Variants in TMLHE observed in about 807,000 individuals in gnomAD.
TMLHE encodes the protein trimethyllysine dioxygenase, mitochondrial.
A neutral mutation model predicts 25.7 loss-of-function variants in TMLHE; 18 were observed. The observed-to-expected ratio is 0.70, with a 90% CI of 0.48 to 1.04. The LOEUF is 1.04. Among genes scored for constraint, TMLHE ranks in the 50% least tolerant of loss-of-function variants. TMLHE has a pLI of 0.00. For missense variants in TMLHE, 236 were observed against 259.0 expected, an observed-to-expected ratio of 0.91 and a Z score of 0.61; for synonymous variants, 105 against 97.0, an observed-to-expected ratio of 1.08 and a Z score of -0.49.
chrX:155,549,079 T>C (rs1415901325), intron 1 of TMLHE, among the ~76,000 whole-genome samples: 3 of 111,571 alleles, frequency 2.7e-5, no homozygotes, highest in African/African-American at 9.9e-5. Context: ...CAACTGACTT[T>C]TATATTCTGA....
intron 1 of TMLHE, among the ~76,000 whole-genome samples, chrX:155,556,830 G>T (rs1290792971): frequency 1.8e-5 from 2 of 111,309 alleles, no homozygotes; most frequent in African/African-American, 6.5e-5. Flanking sequence ...TCGACCATAA[G>T]AGACAGGTAC....
intron 5 of TMLHE, among the ~76,000 whole-genome samples, chrX:155,510,437 C>T (rs2067101472): frequency 1.2e-5 from 1 of 81,996 alleles, no homozygotes; most frequent in South Asian, 7.7e-4. Context: ...GTGTGATGTT[C>T]CCCTTCCTGT....
At chrX:155,541,746 T>C (rs1216259880) in intron 2 of TMLHE, among the ~76,000 whole-genome samples, 1 of 112,024 alleles carries the variant, frequency 8.9e-6, no homozygotes, top group African/African-American at 3.2e-5. Context: ...ATCTAACTGA[T>C]GTGAGATGAT....
At chrX:155,507,728 T>C (rs892018898) in intron 5 of TMLHE, among the ~76,000 whole-genome samples, 8 of 110,666 alleles carry the variant, frequency 7.2e-5, no homozygotes, top group African/African-American at 2.3e-4. Flanking sequence ...CCTATTGGCA[T>C]AGCACAGAGA....
At chrX:155,504,482 T>C in intron 6 of TMLHE, among the ~76,000 whole-genome samples, 1 of 103,797 alleles carries the variant, frequency 9.6e-6, no homozygotes, top group Non-Finnish European at 2.0e-5. Context: ...ACCACTCTCA[T>C]AGTAATGAGT....
chrX:155,544,833 T>C (rs1418834496), intron 2 of TMLHE, among the ~76,000 whole-genome samples: 1 of 111,339 alleles, frequency 9.0e-6, no homozygotes, highest in African/African-American at 3.3e-5. Flanking sequence ...ATTTTTGTCT[T>C]TCTCCCAACT....
chrX:155,541,531 A>G (rs1401980749), intron 2 of TMLHE, among the ~76,000 whole-genome samples: 2 of 111,638 alleles, frequency 1.8e-5, no homozygotes, highest in Admixed American at 9.5e-5. Flanking sequence ...TTTATAGTAG[A>G]ATGATTTATA....
intron 1 of TMLHE, among the ~76,000 whole-genome samples, chrX:155,576,219 C>T (rs2067588256): frequency 9.0e-6 from 1 of 111,446 alleles, no homozygotes; most frequent in South Asian, 3.8e-4. Context: ...CCAACAACAT[C>T]TAAGCTGAGA....
intron 4 of TMLHE, among the ~76,000 whole-genome samples, 156 bp from the exon 5 acceptor site, chrX:155,511,948 A>G (rs2067116296): frequency 8.9e-6 from 1 of 111,852 alleles, no homozygotes; most frequent in Non-Finnish European, 1.9e-5. Context: ...ACAGTTGAAC[A>G]TGCTAGTCTT....
intron 5 of TMLHE, 118 bp from the exon 6 acceptor site, chrX:155,507,252 T>TA: frequency 1.9e-6 from 1 of 537,470 alleles, no homozygotes; most frequent in Non-Finnish European, 3.0e-6. Context: ...ATTTCCTAAT[T>TA]GGAAATCTCA....
chrX:155,507,045 T>G lies in TMLHE; in HGVS notation c.848A>C (p.Gln283Pro), dbSNP rs782171662. 9.9e-6 allele frequency: 12 copies of G among 1,208,176 alleles called. No individual in the cohort carries two copies. The highest frequency in any genetic ancestry group is 1.3e-5 in the Non-Finnish European group (12 of 893,906). ...DGFYAAEQVL[Q>P]KAPEEFELLS... Reference sequence around the variant, plus strand: ...GAGTTCAAATTCCTCAGGTGCCTTTTGAAGTACCTGTTCTGCTGCATAGAA... The same window carrying G: ...GAGTTCAAATTCCTCAGGTGCCTTTGGAAGTACCTGTTCTGCTGCATAGAA... Residue 283 changes from glutamine (Q) to proline (P), a missense_variant, in exon 6 of 8, where the codon CAA (glutamine) becomes CCA (proline). Physicochemically the swap from Gln to Pro is moderately conservative, Grantham distance 76. Transcript: ENST00000334398.
At chrX:155,601,460 T>C (rs1421085386) in intron 1 of TMLHE, among the ~76,000 whole-genome samples, 2 of 111,663 alleles carry the variant, frequency 1.8e-5, no homozygotes, top group East Asian at 5.6e-4. Flanking sequence ...GTTGCTGAAA[T>C]TAAATTATTA....
At chrX:155,581,940 TA>T (rs2067631598) in intron 1 of TMLHE, among the ~76,000 whole-genome samples, 1 of 111,963 alleles carries the variant, frequency 8.9e-6, no homozygotes, top group Non-Finnish European at 1.9e-5. Context: ...AAGACTACAG[TA>T]ACCAAAACAG....
intron 2 of TMLHE, among the ~76,000 whole-genome samples, chrX:155,536,896 T>G (rs1289564953): frequency 8.9e-6 from 1 of 112,085 alleles, no homozygotes; most frequent in Non-Finnish European, 1.9e-5. Flanking sequence ...TTAATAAAAT[T>G]AACACTCAGC....
chrX:155,522,928 A>G (rs1557335955), intron 3 of TMLHE, among the ~76,000 whole-genome samples: 1 of 110,532 alleles, frequency 9.0e-6, no homozygotes, highest in African/African-American at 3.3e-5. Context: ...TTAAGAAATT[A>G]CCAAACTGTT....
Position 155,527,059 on chromosome X carries a change from G to A in TMLHE, c.182-2427C>T, listed in dbSNP as rs782229913. ...GAGTGAGTTAAGACTTTAGGAGACCGTTGGAAGGCGTGATTGGTTTTGAAA... is the reference window on the plus strand; with the variant it reads ...GAGTGAGTTAAGACTTTAGGAGACCATTGGAAGGCGTGATTGGTTTTGAAA... On this transcript the variant is annotated intron_variant, in intron 2 of 7. Transcript: ENST00000334398. Among the ~76,000 whole-genome samples, 6 of 112,281 alleles carry A rather than the reference G, an allele frequency of 5.3e-5. No individual in the cohort carries two copies. The South Asian group carries it at 1.1e-3, about 21-fold the overall frequency.
chrX:155,547,857 C>T (rs782538188), intron 1 of TMLHE, among the ~76,000 whole-genome samples: 1 of 111,105 alleles, frequency 9.0e-6, no homozygotes, highest in Non-Finnish European at 1.9e-5. Flanking sequence ...TGAGGTTTGG[C>T]ATATACAATG....
intron 1 of TMLHE, among the ~76,000 whole-genome samples, chrX:155,584,767 C>T (rs1218224810): frequency 9.0e-6 from 1 of 111,086 alleles, no homozygotes; most frequent in African/African-American, 3.3e-5. Context: ...TCCCCAGCAA[C>T]GTTTTCACTC....
intron 3 of TMLHE, chrX:155,524,229 G>T: frequency 6.9e-6 from 2 of 288,711 alleles, no homozygotes; most frequent in Non-Finnish European, 1.2e-5. Context: ...CATGTTCCCT[G>T]TCTTAGAGGG....
Sources: gnomAD v4.1 joint callset for allele counts (sites outside exome capture counted in the v4.1 genomes callset) on GRCh38, gnomAD v4.1.1 for gene constraint, MANE v1.5 for transcripts, NCBI Gene and HGNC (gene_info 2026-07-23, HGNC 2026-07-21) for gene names.